Variants in ELL2 observed in about 807,000 individuals in gnomAD.
The protein encoded by ELL2 is RNA polymerase II elongation factor ELL2.
Under a neutral mutation model 72.8 loss-of-function variants are expected in ELL2, and 21 were observed. That is an observed-to-expected ratio of 0.29 (90% CI 0.20 to 0.42). The LOEUF (loss-of-function observed/expected upper bound fraction) is 0.42, where lower values mean the gene tolerates loss of function less well. ELL2 is among the 10% of genes least tolerant of loss of function. The pLI is 1.00. For missense variants in ELL2, 568 were observed against 772.8 expected (o/e 0.73, Z 3.14); for synonymous variants, 266 against 283.2 (o/e 0.94, Z 0.61).
rs571146875 is a variant in ELL2 at position 95,927,115 on chromosome 5, A to G, written c.196-7570T>C. Among the ~76,000 whole-genome samples the G allele has an allele frequency of 3.3e-5, 5 of 152,208 alleles. No homozygotes were observed. The South Asian group carries it at 1.0e-3, about 32-fold the overall frequency. The stretch of plus-strand genomic sequence containing the variant: ...TAGGCACTGTTTAGGTTTCTATGAC[A>G]TAGTAGTGAATAAAACTGACAAAGA... On this transcript the variant is annotated intron_variant, in intron 2 of 11. Transcript: ENST00000237853.
chr5:95,919,349 T>C, intron 3 of ELL2, 75 bp downstream of exon 3: 3 of 1,501,056 alleles, frequency 2.0e-6, no homozygotes, highest in Non-Finnish European at 2.7e-6. Flanking sequence ...ATATTATGTA[T>C]TGTATTGTTT....
chr5:95,916,692 T>C (rs1417331283), intron 3 of ELL2, among the ~76,000 whole-genome samples: 4 of 152,112 alleles, frequency 2.6e-5, no homozygotes, highest in Non-Finnish European at 5.9e-5. Flanking sequence ...GAGGTTGTTT[T>C]TGTTTTTTAT....
At chr5:95,897,393 T>A (rs985912901) in intron 8 of ELL2, among the ~76,000 whole-genome samples, 1 of 135,496 alleles carries the variant, frequency 7.4e-6, no homozygotes, top group African/African-American at 3.0e-5. Flanking sequence ...AACTTGGATC[T>A]TCTATGTGGT....
chr5:95,942,637 G>A (rs936295050), intron 2 of ELL2, among the ~76,000 whole-genome samples: 4 of 152,014 alleles, frequency 2.6e-5, no homozygotes, highest in Non-Finnish European at 5.9e-5. Context: ...AATAGTAAAA[G>A]CAATTACAAT....
At chr5:95,911,694 A>G (rs1005629935) in intron 4 of ELL2, among the ~76,000 whole-genome samples, 1 of 152,026 alleles carries the variant, frequency 6.6e-6, no homozygotes, top group African/African-American at 2.4e-5. Flanking sequence ...CTCTGAGGCG[A>G]AGAATTGGAG....
At chr5:95,907,296 A>ATATTTTTTTTTTTTT in intron 4 of ELL2, among the ~76,000 whole-genome samples, 1,195 of 116,124 alleles carry the variant, frequency 0.01, 9 homozygotes, top group Non-Finnish European at 0.013. Context: ...ATATATATAT[A>ATATTTTTTTTTTTTT]TTTTTTTTTT....
intron 5 of ELL2, among the ~76,000 whole-genome samples, chr5:95,902,529 G>T (rs1046606698): frequency 1.3e-5 from 2 of 152,138 alleles, no homozygotes; most frequent in Admixed American, 6.5e-5. Flanking sequence ...AATTACTCTT[G>T]CTTATGACTT....
intron 3 of ELL2, among the ~76,000 whole-genome samples, chr5:95,918,310 G>A (rs1749908420): frequency 6.6e-6 from 1 of 152,170 alleles, no homozygotes; most frequent in Non-Finnish European, 1.5e-5. Context: ...TAGCCAATGT[G>A]GCCAGTGGCC....
At chr5:95,926,230 G>A (rs1040402204) in intron 2 of ELL2, among the ~76,000 whole-genome samples, 4 of 151,826 alleles carry the variant, frequency 2.6e-5, no homozygotes, top group East Asian at 1.9e-4. Flanking sequence ...ATGCTGAAGG[G>A]TGGAGGAGTA....
rs767188885 is a variant in ELL2, at chr5:95,900,726, T to C, written c.921A>G (p.Val307=). 9 of 1,607,610 alleles carry C rather than the reference T, an allele frequency of 5.6e-6. No homozygotes were observed. The Admixed American group carries it at 1.2e-4, about 21-fold the overall frequency. Residue 307 remains valine (V), a synonymous_variant, in exon 7 of 12, where the codon GTA becomes GTG. Coordinates refer to ENST00000237853, the MANE Select transcript of ELL2 (RefSeq NM_012081.6). ...AAGTSRSESP[V]CSSRDAVSSP... ...AAGATACAGCGTCTCTACTAGAACA[T>C]ACAGGAGATTCTGAACGGCTGGTGC...
chr5:95,951,213 C>G (rs1330243644), intron 1 of ELL2, among the ~76,000 whole-genome samples: 2 of 150,974 alleles, frequency 1.3e-5, no homozygotes, highest in African/African-American at 4.9e-5. Context: ...ACTAAAAATA[C>G]AAAAAATTAG....
intron 9 of ELL2, among the ~76,000 whole-genome samples, chr5:95,893,623 G>A (rs1485044296): frequency 6.6e-6 from 1 of 152,168 alleles, no homozygotes; most frequent in Non-Finnish European, 1.5e-5. Context: ...CTGACCTCGT[G>A]ATCCGCCCAC....
Position 95,961,749 on chromosome 5 carries a change from C to T in ELL2, c.-28G>A, listed in dbSNP as rs1396548326. On this transcript the variant is annotated 5_prime_UTR_variant, in exon 1 of 12. Coordinates refer to ENST00000237853, the MANE Select transcript of ELL2 (RefSeq NM_012081.6). The stretch of plus-strand genomic sequence containing the variant: ...TAAACTCCCCGGGGTGCCGCCGCCG[C>T]CGCCGCTCCGGCTCTAGCCTCCACT... 12 of 1,576,376 alleles carry T rather than the reference C, an allele frequency of 7.6e-6. 1 individual carries two copies. Among genetic ancestry groups the T allele is most frequent in the Non-Finnish European group, 8.6e-6 (10 of 1,163,720 alleles).
intron 3 of ELL2, among the ~76,000 whole-genome samples, chr5:95,915,851 G>A (rs1749774027): frequency 6.6e-6 from 1 of 152,100 alleles, no homozygotes; most frequent in Non-Finnish European, 1.5e-5. Flanking sequence ...AAGCTGAAGA[G>A]GGAATGAGAA....
chr5:95,901,661 A>C (rs7702674), intron 5 of ELL2, among the ~76,000 whole-genome samples: 50,285 of 152,132 alleles, frequency 0.33, 9,093 homozygotes, highest in African/African-American at 0.49. Context: ...TTACTTGAAC[A>C]CAAGTACTAT....
chr5:95,912,425 G>A (rs186959222), intron 4 of ELL2, among the ~76,000 whole-genome samples: 2 of 152,296 alleles, frequency 1.3e-5, no homozygotes, highest in Admixed American at 1.3e-4. Flanking sequence ...GTATTGGGCA[G>A]AGGAAAACAA....
chr5:95,904,127 T>C (rs1417684412), intron 5 of ELL2, among the ~76,000 whole-genome samples: 1 of 152,330 alleles, frequency 6.6e-6, no homozygotes, highest in East Asian at 1.9e-4. Flanking sequence ...CCCTGATCTC[T>C]CCACTTAAAG....
intron 3 of ELL2, among the ~76,000 whole-genome samples, chr5:95,915,319 TC>T (rs1749746390): frequency 6.6e-6 from 1 of 152,204 alleles, no homozygotes; most frequent in Admixed American, 6.5e-5. Flanking sequence ...GCCAGGATGG[TC>T]TTGATCTCTT....
At chr5:95,893,431 C>T (rs2112268365) in intron 9 of ELL2, among the ~76,000 whole-genome samples, 1 of 152,324 alleles carries the variant, frequency 6.6e-6, no homozygotes, top group Non-Finnish European at 1.5e-5. Context: ...GTCGCCCAGG[C>T]TGGAGTGCAG....
Sources: allele counts gnomAD v4.1 joint callset (sites outside exome capture counted in the v4.1 genomes callset), GRCh38; gene constraint gnomAD v4.1.1; transcripts MANE v1.5; gene names NCBI Gene and HGNC (gene_info 2026-07-23, HGNC 2026-07-21).